The following DAB1 variants were observed in gnomAD, a reference collection of about 807,000 sequenced individuals.
DAB1 encodes the protein disabled homolog 1.
A neutral mutation model predicts 64.6 loss-of-function variants in DAB1; 15 were observed. The observed-to-expected ratio is 0.23, with a 90% CI of 0.16 to 0.36. The LOEUF is 0.36. Ranked by LOEUF, DAB1 falls within the 10% of genes least tolerant of loss-of-function variation. The pLI, the probability that DAB1 is intolerant of heterozygous loss-of-function variation, is 1.00. For missense variants in DAB1, 596 were observed against 706.7 expected, an observed-to-expected ratio of 0.84 and a Z score of 1.78; for synonymous variants, 235 against 251.9, an observed-to-expected ratio of 0.93 and a Z score of 0.64.
At chr1:57,571,333 G>A (rs1323013615) in intron 7 of DAB1, among the ~76,000 whole-genome samples, 1 of 152,100 alleles carries the variant, frequency 6.6e-6, no homozygotes, top group Non-Finnish European at 1.5e-5. Context: ...ATGTAATTCA[G>A]CCCCCTGTGT....
At chr1:57,367,048 TAA>T (rs926956095) in intron 1 of DAB1, among the ~76,000 whole-genome samples, 1 of 9,052 alleles carries the variant, frequency 1.1e-4, no homozygotes, top group South Asian at 9.1e-3. Flanking sequence ...CTCCACAAAA[TAA>T]AATAAAATAA....
chr1:57,777,699 T>C (rs1174358288), intron 6 of DAB1, among the ~76,000 whole-genome samples: 11 of 152,078 alleles, frequency 7.2e-5, no homozygotes, highest in Non-Finnish European at 1.6e-4. Flanking sequence ...ATATTTATAG[T>C]AGCTATTTTA....
At chr1:57,357,117 T>A (rs1489209840) in intron 1 of DAB1, among the ~76,000 whole-genome samples, 2 of 152,086 alleles carry the variant, frequency 1.3e-5, no homozygotes, top group Non-Finnish European at 2.9e-5. Context: ...CAATACACTC[T>A]AGCACATAAT....
At chr1:57,015,530 C>A in intron 11 of DAB1, 99 bp from the exon 12 acceptor site, 1 of 1,109,814 alleles carries the variant, frequency 9.0e-7, no homozygotes, top group South Asian at 1.6e-5. Context: ...CAAGCACCAA[C>A]TAAGTGCCAG....
intron 3 of DAB1, among the ~76,000 whole-genome samples, chr1:58,490,795 C>CTTTTTTTTTTT (rs148145860): frequency 1.7e-5 from 1 of 59,244 alleles, no homozygotes; most frequent in Non-Finnish European, 3.0e-5. Context: ...AGTCAACATT[C>CTTTTTTTTTTT]TTTTTTTTTT....
chr1:57,541,517 G>A (rs1313446067), intron 7 of DAB1, among the ~76,000 whole-genome samples: 1 of 152,158 alleles, frequency 6.6e-6, no homozygotes, highest in Non-Finnish European at 1.5e-5. Flanking sequence ...GTATAACAAA[G>A]GAGGCTTTCT....
At chr1:58,229,676 G>A (rs1411207930) in intron 4 of DAB1, among the ~76,000 whole-genome samples, 3 of 152,116 alleles carry the variant, frequency 2.0e-5, no homozygotes, top group Non-Finnish European at 4.4e-5. Flanking sequence ...CTTGCAGAGG[G>A]GTCATGGGGG....
At chr1:57,419,414 C>T (rs1292745213) in intron 1 of DAB1, among the ~76,000 whole-genome samples, 1 of 150,792 alleles carries the variant, frequency 6.6e-6, no homozygotes, top group African/African-American at 2.4e-5. Flanking sequence ...AGTAAAATGG[C>T]ATGGAAATTT....
chr1:57,337,787 G>A (rs1677200337), intron 1 of DAB1, among the ~76,000 whole-genome samples: 1 of 152,060 alleles, frequency 6.6e-6, no homozygotes, highest in Admixed American at 6.5e-5. Context: ...TCGGCAACAG[G>A]CCAGTGGCAC....
chr1:57,013,960 T>C (rs1375974558), intron 12 of DAB1, among the ~76,000 whole-genome samples: 3 of 152,084 alleles, frequency 2.0e-5, no homozygotes, highest in Non-Finnish European at 4.4e-5. Context: ...TAAAACTGAG[T>C]CTCAGAGAAG....
intron 2 of DAB1, among the ~76,000 whole-genome samples, chr1:57,219,028 A>T (rs925078018): frequency 6.6e-6 from 1 of 152,182 alleles, no homozygotes; most frequent in African/African-American, 2.4e-5. Flanking sequence ...TAAGCAAACC[A>T]CACTAAACAT....
intron 8 of DAB1, among the ~76,000 whole-genome samples, chr1:57,068,020 G>A (rs936130966): frequency 1.3e-5 from 2 of 152,126 alleles, no homozygotes; most frequent in African/African-American, 4.8e-5. Flanking sequence ...GCTAAAGCAG[G>A]TCTTTCCAGT....
intron 4 of DAB1, chr1:58,229,117 C>T: frequency 5.2e-6 from 1 of 192,634 alleles, no homozygotes; most frequent in Non-Finnish European, 1.1e-5. Flanking sequence ...CAAGTGCATA[C>T]CACCATACCT....
At chr1:58,170,176 C>T (rs1279813397) in intron 4 of DAB1, among the ~76,000 whole-genome samples, 1 of 152,174 alleles carries the variant, frequency 6.6e-6, no homozygotes, top group Non-Finnish European at 1.5e-5. Flanking sequence ...CAGTATGGAT[C>T]CCCACTGGGA....
At chr1:58,153,621 A>G (rs549080948) in intron 4 of DAB1, among the ~76,000 whole-genome samples, 2 of 152,088 alleles carry the variant, frequency 1.3e-5, no homozygotes, top group South Asian at 2.1e-4. Flanking sequence ...GAACCATTCA[A>G]CCTAGAGCTG....
chr1:58,513,847 A>G (rs1272316988), intron 2 of DAB1, among the ~76,000 whole-genome samples: 1 of 152,216 alleles, frequency 6.6e-6, no homozygotes, highest in Non-Finnish European at 1.5e-5. Context: ...GAAGAAACCA[A>G]GATCCATGGT....
intron 3 of DAB1, among the ~76,000 whole-genome samples, chr1:58,417,319 G>A (rs1644730305): frequency 6.6e-6 from 1 of 152,248 alleles, no homozygotes; most frequent in Non-Finnish European, 1.5e-5. Context: ...AAAGAACCAG[G>A]GGCGGGATCT....
chr1:57,557,816 G>C (rs969452760), intron 7 of DAB1, among the ~76,000 whole-genome samples: 14 of 152,126 alleles, frequency 9.2e-5, no homozygotes, highest in African/African-American at 3.4e-4. Flanking sequence ...ACATAATGAA[G>C]GTGGTTGGTT....
intron 2 of DAB1, among the ~76,000 whole-genome samples, chr1:57,197,254 G>A (rs1441360910): frequency 1.3e-5 from 2 of 151,010 alleles, no homozygotes; most frequent in African/African-American, 4.9e-5. Flanking sequence ...TGAGGCACAA[G>A]AATCGCTTGA....
Sources: gnomAD v4.1 joint callset for allele counts (sites outside exome capture counted in the v4.1 genomes callset) on GRCh38, gnomAD v4.1.1 for gene constraint, MANE v1.5 for transcripts, NCBI Gene and HGNC (gene_info 2026-07-23, HGNC 2026-07-21) for gene names.